The following DGKI variants were observed in gnomAD, a reference collection of about 807,000 sequenced individuals.
DGKI encodes the protein DAG kinase iota.
A neutral mutation model predicts 147.5 loss-of-function variants in DGKI; 55 were observed. The observed-to-expected ratio is 0.37, with a 90% CI of 0.30 to 0.47. The LOEUF (loss-of-function observed/expected upper bound fraction) is 0.47, where lower values mean the gene tolerates loss of function less well. Among genes scored for constraint, DGKI ranks in the 20% least tolerant of loss-of-function variants. The pLI is 1.00. For missense variants in DGKI, 1,007 were observed against 1,323.8 expected, an observed-to-expected ratio of 0.76 and a Z score of 3.71; for synonymous variants, 469 against 477.1, an observed-to-expected ratio of 0.98 and a Z score of 0.22.
intron 1 of DGKI, among the ~76,000 whole-genome samples, chr7:137,767,940 G>A (rs1796070757): frequency 6.6e-6 from 1 of 152,118 alleles, no homozygotes; most frequent in South Asian, 2.1e-4. Context: ...ATTCCAGTAT[G>A]AGAGGCAGAA....
chr7:137,477,614 T>C (rs541365747), intron 23 of DGKI, among the ~76,000 whole-genome samples: 4 of 152,320 alleles, frequency 2.6e-5, no homozygotes, highest in Admixed American at 1.3e-4. Flanking sequence ...ATAATATGTA[T>C]AGTGTGCACA....
intron 1 of DGKI, among the ~76,000 whole-genome samples, chr7:137,781,331 G>A (rs1479491788): frequency 1.3e-5 from 2 of 152,190 alleles, no homozygotes; most frequent in Admixed American, 6.5e-5. Context: ...GCAATGGGGG[G>A]AGGGTATGTT....
intron 1 of DGKI, among the ~76,000 whole-genome samples, chr7:137,799,098 G>T (rs1797118984): frequency 6.6e-6 from 1 of 151,898 alleles, no homozygotes; most frequent in South Asian, 2.1e-4. Context: ...CTTAGATAAG[G>T]CAAAAAAGAT....
intron 8 of DGKI, among the ~76,000 whole-genome samples, chr7:137,618,619 C>T (rs981330969): frequency 6.6e-6 from 1 of 151,046 alleles, no homozygotes; most frequent in East Asian, 1.9e-4. Flanking sequence ...GGAGAGATTA[C>T]CAAATTTTAG....
intron 21 of DGKI, among the ~76,000 whole-genome samples, chr7:137,516,778 A>T (rs1816759907): frequency 6.6e-6 from 1 of 152,098 alleles, no homozygotes; most frequent in Non-Finnish European, 1.5e-5. Context: ...GAATGGTTGA[A>T]TGGCTCTACC....
intron 1 of DGKI, among the ~76,000 whole-genome samples, chr7:137,773,365 T>C (rs927818423): frequency 2.0e-5 from 3 of 152,208 alleles, no homozygotes; most frequent in African/African-American, 7.2e-5. Context: ...GAAGATACTA[T>C]CAGGCGTTTG....
At chr7:137,625,465 A>T (rs1820902728) in intron 6 of DGKI, among the ~76,000 whole-genome samples, 1 of 152,126 alleles carries the variant, frequency 6.6e-6, no homozygotes, top group African/African-American at 2.4e-5. Context: ...ATCTCAAAAA[A>T]AATAATAAAA....
At position 137,758,326 on chromosome 7, in the gene DGKI, T is replaced by C. The variant is rs530710798; in HGVS notation, c.402-68324A>G. Among the ~76,000 whole-genome samples the C allele has an allele frequency of 2.1e-3, 314 of 152,280 alleles. 2 individuals are homozygous for C. The highest frequency in any genetic ancestry group is 7.1e-3 in the African/African-American group (297 of 41,544). On this transcript the variant is annotated intron_variant, in intron 1 of 32. Coordinates refer to ENST00000614521, the MANE Select transcript of DGKI (RefSeq NM_001321708.2). ...TTCTGTAGGCAACGAAGTAGTAGTC[T>C]GGTAGAAAAGGAAGGGAGTGGACTC...
At chr7:137,748,924 A>G (rs1015695526) in intron 1 of DGKI, among the ~76,000 whole-genome samples, 1 of 152,250 alleles carries the variant, frequency 6.6e-6, no homozygotes, top group Non-Finnish European at 1.5e-5. Context: ...AAAATTACCA[A>G]GAGATAATGA....
intron 30 of DGKI, among the ~76,000 whole-genome samples, chr7:137,397,873 T>G (rs1437008940): frequency 1.3e-5 from 2 of 152,302 alleles, no homozygotes; most frequent in East Asian, 3.9e-4. Flanking sequence ...TTTTATAAAA[T>G]TTCCCTTCTC....
intron 3 of DGKI, among the ~76,000 whole-genome samples, chr7:137,667,678 A>G (rs2116330372): frequency 6.6e-6 from 1 of 152,296 alleles, no homozygotes; most frequent in East Asian, 1.9e-4. Flanking sequence ...TTAAGAAGCG[A>G]TATCAAGCTG....
chr7:137,799,848 T>C (rs1291221142), intron 1 of DGKI, among the ~76,000 whole-genome samples: 1 of 152,232 alleles, frequency 6.6e-6, no homozygotes, highest in East Asian at 1.9e-4. Context: ...TAGCCAGCTT[T>C]TTAATTCAAT....
At position 137,843,756 on chromosome 7, in the gene DGKI, TACACACACAC is replaced by T. The variant is rs71177923; in HGVS notation, c.401+2696_401+2705del. Among the ~76,000 whole-genome samples, 107 of 137,898 alleles carry T rather than the reference TACACACACAC, an allele frequency of 7.8e-4. 1 individual carries two copies. Among genetic ancestry groups the T allele is most frequent in the African/African-American group, 2.7e-3 (99 of 36,522 alleles). The allele number at this position is 137,898 out of a possible 152,430, so 90.5% of individuals were successfully genotyped here. On this transcript the variant is annotated intron_variant, in intron 1 of 32. Transcript: ENST00000614521. Reference sequence around the variant, plus strand: ...ACAGAAGGAGCAGATGAGACCCCCCTACACACACACACACACACACACACACACACACACA... The same window carrying T: ...ACAGAAGGAGCAGATGAGACCCCCCTACACACACACACACACACACACACA...
intron 1 of DGKI, among the ~76,000 whole-genome samples, chr7:137,830,108 G>A (rs1029891464): frequency 6.6e-6 from 1 of 152,180 alleles, no homozygotes; most frequent in Non-Finnish European, 1.5e-5. Flanking sequence ...AAGCTAAAAT[G>A]GCCAGTCTTA....
intron 6 of DGKI, among the ~76,000 whole-genome samples, chr7:137,638,785 T>C (rs1821514955): frequency 6.6e-6 from 1 of 150,778 alleles, no homozygotes; most frequent in Non-Finnish European, 1.5e-5. Context: ...GAGATATTTA[T>C]TATGTTGTAT....
At chr7:137,801,333 A>T (rs553643289) in intron 1 of DGKI, among the ~76,000 whole-genome samples, 1 of 152,198 alleles carries the variant, frequency 6.6e-6, no homozygotes, top group African/African-American at 2.4e-5. Flanking sequence ...CTAGAAAGAG[A>T]AAAAAAAGAT....
At chr7:137,610,658 GC>G (rs1820333652) in intron 8 of DGKI, among the ~76,000 whole-genome samples, 1 of 152,164 alleles carries the variant, frequency 6.6e-6, no homozygotes, top group African/African-American at 2.4e-5. Context: ...ATATATGCAT[GC>G]ATTGTTTGAG....
rs932278149 is a variant in DGKI, at chr7:137,389,260, A to G, written c.*1960T>C. The stretch of plus-strand genomic sequence containing the variant: ...GTGTCTCCTGTAATATCCAAAGGAT[A>G]GTTCCATTTCTGAGGCTGATATATG... On this transcript the variant is annotated 3_prime_UTR_variant, in exon 33 of 33. Transcript: ENST00000614521. 14 of 152,188 alleles carry G rather than the reference A, an allele frequency of 9.2e-5. No individual in the cohort carries two copies. Among genetic ancestry groups the G allele is most frequent in the Non-Finnish European group, 2.1e-4 (14 of 68,026 alleles). The allele number at this position is 152,188 out of a possible 1,614,324, so 9.4% of individuals were successfully genotyped here. A position where few individuals can be genotyped will look rare whatever the true frequency, so the allele number is the denominator to read the frequency against.
Position 137,460,603 on chromosome 7 carries a change from C to A in DGKI, c.2735+2886G>T, listed in dbSNP as rs149309559. ...TTTGGAATATTTGCATTATACTTAC[C>A]AGTTGAGCATCCCAAATCCAAATAT... On this transcript the variant is annotated intron_variant, in intron 27 of 32. Transcript: ENST00000614521. 1.2e-3 allele frequency among the ~76,000 whole-genome samples: 186 copies of A among 152,182 alleles called. 1 individual carries two copies. The highest frequency in any genetic ancestry group is 4.3e-3 in the African/African-American group (177 of 41,530).
Sources: gnomAD v4.1 joint callset for allele counts (sites outside exome capture counted in the v4.1 genomes callset) on GRCh38, gnomAD v4.1.1 for gene constraint, MANE v1.5 for transcripts, NCBI Gene and HGNC (gene_info 2026-07-23, HGNC 2026-07-21) for gene names.